The following GRAMD1B variants were observed in gnomAD, a reference collection of about 807,000 sequenced individuals.
The protein encoded by GRAMD1B is GRAM domain containing 1B.
Under a neutral mutation model 99.7 loss-of-function variants are expected in GRAMD1B, and 37 were observed. The ratio of observed to expected loss-of-function variants is 0.37; its 90% CI spans 0.29 to 0.49. The LOEUF (loss-of-function observed/expected upper bound fraction) is 0.49. Among genes scored for constraint, GRAMD1B ranks in the 20% least tolerant of loss-of-function variants. GRAMD1B has a pLI of 0.98. For synonymous variants in GRAMD1B, 427 were observed against 387.6 expected, an observed-to-expected ratio of 1.10 and a Z score of -1.19; for missense variants, 888 against 1,009.2, an observed-to-expected ratio of 0.88 and a Z score of 1.63.
At chr11:123,596,542 A>G (rs1306088919) in intron 7 of GRAMD1B, among the ~76,000 whole-genome samples, 2 of 152,216 alleles carry the variant, frequency 1.3e-5, no homozygotes, top group Admixed American at 6.5e-5. Flanking sequence ...TCAGGACAGA[A>G]CAAACTTTTC....
At chr11:123,517,025 T>G (rs4936817) in intron 2 of GRAMD1B, among the ~76,000 whole-genome samples, 17,747 of 152,204 alleles carry the variant, frequency 0.12, 1,531 homozygotes, top group East Asian at 0.47. Context: ...GCTCAAGCAA[T>G]TCTCCTGCCT....
At chr11:123,450,547 A>T (rs1330245500) in intron 1 of GRAMD1B, among the ~76,000 whole-genome samples, 1 of 152,212 alleles carries the variant, frequency 6.6e-6, no homozygotes, top group Non-Finnish European at 1.5e-5. Context: ...ATTTGTTTAA[A>T]AGCGAATTAT....
At chr11:123,508,406 C>T (rs1389301565) in intron 2 of GRAMD1B, among the ~76,000 whole-genome samples, 2 of 152,214 alleles carry the variant, frequency 1.3e-5, no homozygotes, top group African/African-American at 4.8e-5. Context: ...AAAGGTTCCA[C>T]CTCTTAATAC....
intron 2 of GRAMD1B, among the ~76,000 whole-genome samples, chr11:123,550,648 A>G (rs1216286994): frequency 3.3e-5 from 5 of 152,210 alleles, no homozygotes; most frequent in African/African-American, 1.2e-4. Context: ...TTTAAGGACG[A>G]CATGTCAGCA....
intron 9 of GRAMD1B, among the ~76,000 whole-genome samples, chr11:123,604,082 C>T (rs558622114): frequency 1.8e-3 from 280 of 152,258 alleles, no homozygotes; most frequent in African/African-American, 5.5e-3. Context: ...GTAGGCAAAG[C>T]AGGTTTCAGG....
At position 123,577,440 on chromosome 11, in the gene GRAMD1B, C is replaced by G. The variant is rs753980128; in HGVS notation, c.526C>G (p.Pro176Ala). ...ILRKRSRSPT[P>A]QNQDGDTMVE... ...CCGGAAGCGGTCTCGCTCGCCAACC[C>G]CGCAGAACCAGGACGGAGACACCAT... The change falls in exon 3 of 20, where the codon CCG becomes GCG. Residue 176 changes from proline to alanine, a missense_variant. Coordinates refer to ENST00000635736, the MANE Select transcript of GRAMD1B (RefSeq NM_001387025.1). 2 of 1,603,058 alleles carry G rather than the reference C, an allele frequency of 1.2e-6. No individual in the cohort carries two copies. The highest frequency in any genetic ancestry group is 2.3e-5 in the East Asian group (1 of 44,224).
At chr11:123,384,741 T>C (rs1946999874) in intron 1 of GRAMD1B, among the ~76,000 whole-genome samples, 1 of 152,150 alleles carries the variant, frequency 6.6e-6, no homozygotes, top group African/African-American at 2.4e-5. Context: ...CTCAACTATA[T>C]CCTCCCCACA....
chr11:123,523,004 A>C (rs775664103), intron 2 of GRAMD1B, among the ~76,000 whole-genome samples: 1 of 152,198 alleles, frequency 6.6e-6, no homozygotes, highest in Non-Finnish European at 1.5e-5. Flanking sequence ...CCAGGCTTGC[A>C]GCTTGCTAGC....
intron 2 of GRAMD1B, among the ~76,000 whole-genome samples, chr11:123,502,509 A>G (rs964705168): frequency 6.6e-6 from 1 of 152,072 alleles, no homozygotes; most frequent in Non-Finnish European, 1.5e-5. Flanking sequence ...ATACTGTGGC[A>G]CATGCCTGTA....
intron 1 of GRAMD1B, among the ~76,000 whole-genome samples, chr11:123,363,831 A>G (rs1485509910): frequency 6.6e-6 from 1 of 152,238 alleles, no homozygotes; most frequent in East Asian, 1.9e-4. Context: ...TGGTGAGAAC[A>G]CAAAGCAGAT....
chr11:123,577,423 G>A lies in GRAMD1B; in HGVS notation c.509G>A (p.Arg170Gln), dbSNP rs1179255945. The change falls in exon 3 of 20, where the codon CGG (arginine) becomes CAG (glutamine). Residue 170 changes from arginine to glutamine, a missense_variant. Around this residue, in one of 5 missense-constraint regions of GRAMD1B, gnomAD observed 233 missense variants for 154.6 expected, o/e 1.51. Coordinates refer to ENST00000635736, the MANE Select transcript of GRAMD1B (RefSeq NM_001387025.1). ...TPACSPILRKRSRSPTPQNQD... is the reference protein window; with the variant it reads ...TPACSPILRKQSRSPTPQNQD... ...GCCTGCTCGCCCATCCTCCGGAAGC[G>A]GTCTCGCTCGCCAACCCCGCAGAAC... 6 of 1,600,466 alleles carry A rather than the reference G, an allele frequency of 3.7e-6. No individual in the cohort carries two copies. The highest frequency in any genetic ancestry group is 4.3e-6 in the Non-Finnish European group (5 of 1,173,992).
intron 2 of GRAMD1B, among the ~76,000 whole-genome samples, chr11:123,530,695 G>C (rs1013846530): frequency 6.6e-6 from 1 of 152,188 alleles, no homozygotes; most frequent in African/African-American, 2.4e-5. Context: ...GATTCTTTCT[G>C]TAAGAGGTCT....
chr11:123,454,384 T>TTTC (rs1950020168), intron 1 of GRAMD1B: 1 of 152,212 alleles, frequency 6.6e-6, no homozygotes, highest in Admixed American at 6.5e-5. Context: ...TGCGTTGTTT[T>TTTC]TTCGTCATTG....
chr11:123,491,945 C>G (rs1203543715), intron 2 of GRAMD1B: 2 of 399,150 alleles, frequency 5.0e-6, no homozygotes, highest in Non-Finnish European at 4.4e-6. Flanking sequence ...AGAAGCTGGC[C>G]TTTCTGCGAG....
intron 3 of GRAMD1B, among the ~76,000 whole-genome samples, chr11:123,580,209 A>G (rs1949197196): frequency 1.3e-5 from 2 of 152,218 alleles, no homozygotes; most frequent in Admixed American, 1.3e-4. Flanking sequence ...GTGCATGTGC[A>G]GGACACACAG....
chr11:123,362,964 G>T (rs1198886529), intron 1 of GRAMD1B, among the ~76,000 whole-genome samples: 1 of 152,072 alleles, frequency 6.6e-6, no homozygotes, highest in Non-Finnish European at 1.5e-5. Flanking sequence ...GGGAGGGTAG[G>T]GTGGCGGAGA....
intron 4 of GRAMD1B, among the ~76,000 whole-genome samples, chr11:123,586,736 T>G (rs542637313): frequency 6.6e-6 from 1 of 152,212 alleles, no homozygotes; most frequent in Non-Finnish European, 1.5e-5. Flanking sequence ...CTGTGTTCCT[T>G]CAGGGAGCTC....
Position 123,610,048 on chromosome 11 carries a change from G to T in GRAMD1B, c.1776+135G>T. ...TGCCCCAAAGCGGTGGTGGCGTCTTGCTTGTTTAGTTGCTGCTGATTCCAG... is the reference window on the plus strand; with the variant it reads ...TGCCCCAAAGCGGTGGTGGCGTCTTTCTTGTTTAGTTGCTGCTGATTCCAG... On this transcript the variant is annotated intron_variant, in intron 13 of 19. Coordinates refer to ENST00000635736, the MANE Select transcript of GRAMD1B (RefSeq NM_001387025.1). The surrounding 1 kb of genome is among the most constrained non-coding windows in gnomAD (Gnocchi z 4.1). 1 of 869,688 alleles carries T rather than the reference G, an allele frequency of 1.1e-6. No homozygotes were observed. The highest frequency in any genetic ancestry group is 1.8e-6 in the Non-Finnish European group (1 of 541,768). The allele number at this position is 869,688 out of a possible 1,614,324, so 53.9% of individuals were successfully genotyped here.
At chr11:123,621,862 T>TTTCTTTCG (rs1257747123) in intron 19 of GRAMD1B, among the ~76,000 whole-genome samples, 2 of 141,868 alleles carry the variant, frequency 1.4e-5, no homozygotes, top group Non-Finnish European at 3.1e-5. Context: ...ATTGTCTTTC[T>TTTCTTTCG]TTCTTTTCTT....
Sources: gnomAD v4.1 joint callset for allele counts (sites outside exome capture counted in the v4.1 genomes callset) on GRCh38, gnomAD v4.1.1 for gene constraint, gnomAD v4.1.1 regional missense constraint, Gnocchi (gnomAD v3.1) non-coding constraint, MANE v1.5 for transcripts, NCBI Gene and HGNC (gene_info 2026-07-23, HGNC 2026-07-21) for gene names.